The following COLEC11 variants were observed in gnomAD, a reference collection of about 807,000 sequenced individuals.
COLEC11 encodes the protein collectin subfamily member 11.
Under a neutral mutation model 27.3 loss-of-function variants are expected in COLEC11, and 20 were observed. The observed-to-expected ratio is 0.73, with a 90% CI of 0.51 to 1.06. The LOEUF (loss-of-function observed/expected upper bound fraction) is 1.06, where lower values mean the gene tolerates loss of function less well. COLEC11 is among the 50% of genes least tolerant of loss of function. COLEC11 has a pLI of 0.00. For missense variants in COLEC11, 310 were observed against 383.0 expected, an observed-to-expected ratio of 0.81 and a Z score of 1.59; for synonymous variants, 163 against 154.7, an observed-to-expected ratio of 1.05 and a Z score of -0.40.
At chr2:3,642,397 A>T (rs1212530296) in intron 5 of COLEC11, among the ~76,000 whole-genome samples, 1 of 152,036 alleles carries the variant, frequency 6.6e-6, no homozygotes, top group Non-Finnish European at 1.5e-5. Flanking sequence ...GTTCCCTGTT[A>T]TTTCAGTGTG....
intron 2 of COLEC11, among the ~76,000 whole-genome samples, chr2:3,613,005 G>A (rs1012846828): frequency 3.4e-5 from 5 of 145,716 alleles, no homozygotes; most frequent in East Asian, 1.9e-4. Context: ...GAGAGCCGGC[G>A]TTTAGACGCG....
Position 3,627,828 on chromosome 2 carries a change from C to T in COLEC11, c.203-9705C>T, listed in dbSNP as rs116469425. ...CAATGCTGCACACGATGATGCTGGG[C>T]ATAACACTGGGCGTGATGACAAAGT... On this transcript the variant is annotated intron_variant, in intron 3 of 6. Transcript: ENST00000349077. Among the ~76,000 whole-genome samples the T allele has an allele frequency of 8.1e-3, 1,233 of 152,266 alleles. 12 individuals carry two copies. The highest frequency in any genetic ancestry group is 0.028 in the African/African-American group (1,182 of 41,542).
chr2:3,633,053 C>T (rs758248682), intron 3 of COLEC11, among the ~76,000 whole-genome samples: 5 of 152,178 alleles, frequency 3.3e-5, no homozygotes, highest in Admixed American at 6.5e-5. Flanking sequence ...CCCTGAGACC[C>T]CTGAGAGATG....
intron 2 of COLEC11, among the ~76,000 whole-genome samples, chr2:3,610,311 A>G (rs1056528593): frequency 9.9e-5 from 15 of 152,164 alleles, no homozygotes; most frequent in Non-Finnish European, 1.9e-4. Context: ...GAGCTTTCTT[A>G]AGCAGTATGA....
At chr2:3,624,817 T>C (rs1007633400) in intron 3 of COLEC11, among the ~76,000 whole-genome samples, 2 of 152,220 alleles carry the variant, frequency 1.3e-5, no homozygotes, top group African/African-American at 4.8e-5. Flanking sequence ...GGGACTATGG[T>C]AGAAAGCTCC....
intron 3 of COLEC11, among the ~76,000 whole-genome samples, chr2:3,622,522 G>A (rs1191717631): frequency 6.6e-6 from 1 of 152,224 alleles, no homozygotes. Flanking sequence ...GATCTTTAAT[G>A]TAATAGTATT....
chr2:3,601,164 C>T (rs1020586480), intron 1 of COLEC11, among the ~76,000 whole-genome samples: 3 of 152,138 alleles, frequency 2.0e-5, no homozygotes, highest in South Asian at 2.1e-4. Flanking sequence ...CAGGGGGCCT[C>T]GGCGTGGTGG....
At chr2:3,609,368 T>G (rs1461449759) in intron 2 of COLEC11, among the ~76,000 whole-genome samples, 3 of 138,594 alleles carry the variant, frequency 2.2e-5, no homozygotes, top group Non-Finnish European at 4.7e-5. Context: ...TTTTTTTTTT[T>G]TTTTTTTTTT....
intron 1 of COLEC11, 32 bp downstream of exon 1, chr2:3,595,200 G>T: frequency 3.2e-6 from 1 of 311,232 alleles, no homozygotes; most frequent in Non-Finnish European, 6.4e-6. Context: ...TGCAGCTGAG[G>T]GTTTCACGGG....
intron 3 of COLEC11, among the ~76,000 whole-genome samples, chr2:3,627,333 G>A (rs1276190007): frequency 5.4e-5 from 8 of 149,200 alleles, no homozygotes; most frequent in Non-Finnish European, 1.2e-4. Context: ...GGGGCATGAC[G>A]ATGGGGTGGA....
In COLEC11 at chr2:3,642,032, G is replaced by C. The variant is rs568936425; in HGVS notation, c.329-1412G>C. On this transcript the variant is annotated intron_variant, in intron 5 of 6. Coordinates refer to ENST00000349077, the MANE Select transcript of COLEC11 (RefSeq NM_024027.5). ...CTTCACAGGAAGAAGGTTAGGGTCC[G>C]TCCAGGGACTAGGAACAAACTCGCA... 2.0e-5 allele frequency among the ~76,000 whole-genome samples: 3 copies of C among 152,248 alleles called. No homozygotes were observed. The East Asian group carries it at 5.8e-4, about 29-fold the overall frequency.
At position 3,640,311 on chromosome 2, in the gene COLEC11, CT is replaced by C. The variant is rs2147963510; in HGVS notation, c.309del (p.Gly104ValfsTer29). ...EKGDSGDIGP[P>X]GPNGEPGLPC... ...GGAGATTCCGGTGACATAGGACCCCCTGGTCCTAATGGAGAACCAGGTATGG... is the reference window on the plus strand; with the variant it reads ...GGAGATTCCGGTGACATAGGACCCCCGGTCCTAATGGAGAACCAGGTATGG... On this transcript the variant is annotated frameshift_variant, in exon 5 of 7. Coordinates refer to ENST00000349077, the MANE Select transcript of COLEC11 (RefSeq NM_024027.5). LOFTEE classifies it high-confidence loss of function. The C allele has an allele frequency of 2.5e-6, 4 of 1,597,080 alleles. No homozygotes were observed. The highest frequency in any genetic ancestry group is 1.7e-5 in the Admixed American group (1 of 59,992).
At chr2:3,596,507 T>G (rs1321518980) in intron 1 of COLEC11, among the ~76,000 whole-genome samples, 1 of 152,038 alleles carries the variant, frequency 6.6e-6, no homozygotes, top group Non-Finnish European at 1.5e-5. Context: ...TGGCTAATTT[T>G]TGTACTTTTT....
At chr2:3,620,367 G>A (rs1664096246) in intron 3 of COLEC11, among the ~76,000 whole-genome samples, 1 of 151,752 alleles carries the variant, frequency 6.6e-6, no homozygotes, top group African/African-American at 2.4e-5. Flanking sequence ...ACTCTCTTAT[G>A]ACCCTTCATA....
chr2:3,627,693 CGAT>C (rs1664663033), intron 3 of COLEC11, among the ~76,000 whole-genome samples: 1 of 148,118 alleles, frequency 6.8e-6, no homozygotes, highest in African/African-American at 2.5e-5. Flanking sequence ...ACGCTGGGCA[CGAT>C]GACGGTGGAT....
intron 3 of COLEC11, among the ~76,000 whole-genome samples, chr2:3,622,688 G>A (rs757301810): frequency 3.3e-4 from 50 of 152,152 alleles, no homozygotes; most frequent in Non-Finnish European, 6.6e-4. Context: ...GGCCTCTCTC[G>A]TGGGCCTCCT....
At chr2:3,637,384 G>A in intron 3 of COLEC11, 149 bp from the exon 4 acceptor site, 1 of 715,152 alleles carries the variant, frequency 1.4e-6, no homozygotes, top group Non-Finnish European at 2.6e-6. Flanking sequence ...ACGTGACCTT[G>A]AAGAGATGTA....
chr2:3,620,522 C>G (rs114095157), intron 3 of COLEC11, among the ~76,000 whole-genome samples: 2,353 of 152,004 alleles, frequency 0.015, 72 homozygotes, highest in African/African-American at 0.05. Flanking sequence ...TTTGCTACAG[C>G]TTTTCTAGTC....
chr2:3,603,668 A>G, intron 1 of COLEC11: 3 of 1,550,990 alleles, frequency 1.9e-6, no homozygotes, highest in Non-Finnish European at 2.6e-6. Flanking sequence ...AGAGGTCAGC[A>G]CGTACCCGCC....
Sources: allele counts gnomAD v4.1 joint callset (sites outside exome capture counted in the v4.1 genomes callset), GRCh38; gene constraint gnomAD v4.1.1; transcripts MANE v1.5; gene names NCBI Gene and HGNC (gene_info 2026-07-23, HGNC 2026-07-21).